The following CREB3L2 variants were observed in gnomAD, a reference collection of about 807,000 sequenced individuals.
CREB3L2 encodes cyclic AMP-responsive element-binding protein 3-like protein 2.
In CREB3L2, 23 loss-of-function variants were observed where a neutral mutation model predicts 57.2. The observed-to-expected ratio is 0.40, with a 90% CI of 0.29 to 0.57. The LOEUF (loss-of-function observed/expected upper bound fraction) is 0.57. Ranked by LOEUF, CREB3L2 falls within the 20% of genes least tolerant of loss-of-function variation. The probability of loss-of-function intolerance (pLI) is 0.42; values close to 1 mark genes in which losing one functional copy is unlikely to be tolerated. For synonymous variants in CREB3L2, 268 were observed against 265.1 expected (o/e 1.01, Z -0.11); for missense variants, 628 against 634.7 (o/e 0.99, Z 0.11).
At chr7:137,898,960 A>AAAGG (rs145339071) in intron 8 of CREB3L2, among the ~76,000 whole-genome samples, 6,025 of 132,734 alleles carry the variant, frequency 0.045, 454 homozygotes, top group African/African-American at 0.15. Flanking sequence ...GGAAAGAAGG[A>AAAGG]AAGGAAGGAA....
At chr7:137,991,872 C>A (rs1395730144) in intron 1 of CREB3L2, among the ~76,000 whole-genome samples, 1 of 150,692 alleles carries the variant, frequency 6.6e-6, no homozygotes, top group South Asian at 2.1e-4. Flanking sequence ...CACGCCATTG[C>A]ACTCCAGCCT....
chr7:137,946,760 TATA>T (rs1800985493), intron 1 of CREB3L2, among the ~76,000 whole-genome samples: 1 of 68,600 alleles, frequency 1.5e-5, no homozygotes. Context: ...TAGTTATCTA[TATA>T]GTTTAGTTAT....
At chr7:138,000,120 C>G (rs1375372571) in intron 1 of CREB3L2, among the ~76,000 whole-genome samples, 1 of 152,204 alleles carries the variant, frequency 6.6e-6, no homozygotes, top group Non-Finnish European at 1.5e-5. Flanking sequence ...TGAAAGACAA[C>G]CCCCTAGCTG....
At chr7:137,990,271 G>C (rs373234734) in intron 1 of CREB3L2, among the ~76,000 whole-genome samples, 21 of 152,222 alleles carry the variant, frequency 1.4e-4, no homozygotes, top group South Asian at 1.0e-3. Flanking sequence ...CCCACTGCCT[G>C]GTGAACTCCT....
intron 8 of CREB3L2, among the ~76,000 whole-genome samples, chr7:137,895,189 A>G (rs1323403554): frequency 2.0e-5 from 3 of 152,232 alleles, no homozygotes; most frequent in Non-Finnish European, 4.4e-5. Context: ...GAAGAAAACT[A>G]TACCAGTGGG....
intron 4 of CREB3L2, among the ~76,000 whole-genome samples, chr7:137,909,718 C>G (rs1799965747): frequency 6.6e-6 from 1 of 152,150 alleles, no homozygotes. Context: ...TCCTGAGACA[C>G]AACAACTGAC....
rs760236840 is a variant in CREB3L2, at chr7:137,880,585, G to A, written c.1488-34C>T. The A allele has an allele frequency of 2.6e-6, 4 of 1,516,610 alleles. No individual in the cohort carries two copies. The Admixed American group carries it at 5.0e-5, about 19-fold the overall frequency. 93.9% of individuals were successfully genotyped at this position (1,516,610 alleles called of 1,614,324 possible). ...GCATTAAAAGGAAAACGAAGTATTA[G>A]TCACCAGCTGTTAGCTACAATTCTC... On this transcript the variant is annotated intron_variant, in intron 11 of 11. Coordinates refer to ENST00000330387, the MANE Select transcript of CREB3L2 (RefSeq NM_194071.4). This position sits in a 1 kb window ranked among gnomAD's most constrained non-coding sequence, Gnocchi z 4.0.
In CREB3L2 at chr7:137,875,823, A is replaced by G; in HGVS notation, c.*4653T>C. 2 of 224,572 alleles carry G rather than the reference A, an allele frequency of 8.9e-6. No individual in the cohort carries two copies. Among genetic ancestry groups the G allele is most frequent in the East Asian group, 1.3e-4 (2 of 15,438 alleles). The allele number at this position is 224,572 out of a possible 1,614,324, so 13.9% of individuals were successfully genotyped here. A position where few individuals can be genotyped will look rare whatever the true frequency, so the allele number is the denominator to read the frequency against. On this transcript the variant is annotated 3_prime_UTR_variant, in exon 12 of 12. Transcript: ENST00000330387. ...TAGCACAGCACGCAACACCCTAGTA[A>G]ATGCTCAAGAAATATTATTTCCCTT...
At chr7:137,979,464 C>T (rs1801673689) in intron 1 of CREB3L2, among the ~76,000 whole-genome samples, 1 of 152,186 alleles carries the variant, frequency 6.6e-6, no homozygotes, top group Non-Finnish European at 1.5e-5. Context: ...CGGTGGCTCA[C>T]ACCTTAATCC....
chr7:137,918,705 C>T (rs948374518), intron 2 of CREB3L2, among the ~76,000 whole-genome samples: 15 of 151,668 alleles, frequency 9.9e-5, no homozygotes, highest in Non-Finnish European at 2.2e-4. Context: ...TGTGATGAAA[C>T]TTAATTCACA....
chr7:137,950,987 T>C (rs1801082190), intron 1 of CREB3L2, among the ~76,000 whole-genome samples: 1 of 152,188 alleles, frequency 6.6e-6, no homozygotes, highest in African/African-American at 2.4e-5. Flanking sequence ...ACCTCAAAAA[T>C]CAATACTTGT....
Position 137,879,482 on chromosome 7 carries a change from C to A in CREB3L2, c.*994G>T. 2.8e-6 allele frequency: 1 copy of A among 360,502 alleles called. No individual in the cohort carries two copies. Among genetic ancestry groups the A allele is most frequent in the Non-Finnish European group, 5.2e-6 (1 of 191,004 alleles). 22.3% of individuals were successfully genotyped at this position (360,502 alleles called of 1,614,324 possible). ...CAGGGAGCCCGGGGCCTGAGTGAGG[C>A]ATTGTGTCATCTCTCGCTCTGAGCT... On this transcript the variant is annotated 3_prime_UTR_variant, in exon 12 of 12. Transcript: ENST00000330387.
intron 1 of CREB3L2, among the ~76,000 whole-genome samples, chr7:137,951,384 G>A (rs1801093043): frequency 6.6e-6 from 1 of 152,162 alleles, no homozygotes; most frequent in South Asian, 2.1e-4. Context: ...TAAGTATGGT[G>A]TCTTTAAACA....
intron 2 of CREB3L2, among the ~76,000 whole-genome samples, chr7:137,921,211 T>A (rs1352601364): frequency 6.6e-6 from 1 of 152,238 alleles, no homozygotes; most frequent in East Asian, 1.9e-4. Flanking sequence ...GTCTTTTAAA[T>A]GTCATTTCAG....
Position 137,877,497 on chromosome 7 carries a change from G to C in CREB3L2, c.*2979C>G, listed in dbSNP as rs1002490077. ...AATATCCCTTTTTAAGTGCAAAGTC[G>C]AGGGCTGTGAAAAGAACCACGGTGG... On this transcript the variant is annotated 3_prime_UTR_variant, in exon 12 of 12. Transcript: ENST00000330387. 4.4e-6 allele frequency: 1 copy of C among 225,630 alleles called. No individual in the cohort carries two copies. Among genetic ancestry groups the C allele is most frequent in the African/African-American group, 2.2e-5 (1 of 44,992 alleles). 14.0% of individuals were successfully genotyped at this position (225,630 alleles called of 1,614,324 possible).
At chr7:137,950,587 A>C (rs572698694) in intron 1 of CREB3L2, among the ~76,000 whole-genome samples, 6 of 152,022 alleles carry the variant, frequency 3.9e-5, no homozygotes, top group African/African-American at 1.4e-4. Flanking sequence ...GGGAGTGAGG[A>C]GGTATTACGA....
intron 1 of CREB3L2, among the ~76,000 whole-genome samples, chr7:137,941,758 G>T (rs1800883072): frequency 6.6e-6 from 1 of 152,198 alleles, no homozygotes; most frequent in African/African-American, 2.4e-5. Context: ...AGAGTTTGAT[G>T]TTTCTCTATT....
intron 2 of CREB3L2, among the ~76,000 whole-genome samples, chr7:137,927,829 T>C (rs1322885320): frequency 1.3e-5 from 2 of 150,486 alleles, no homozygotes; most frequent in Non-Finnish European, 3.0e-5. Flanking sequence ...AACAAGAGAC[T>C]TACTGTACTG....
At chr7:137,909,863 G>T (rs574909456) in intron 4 of CREB3L2, among the ~76,000 whole-genome samples, 1 of 152,262 alleles carries the variant, frequency 6.6e-6, no homozygotes, top group East Asian at 1.9e-4. Flanking sequence ...TTGAATCATG[G>T]GGGCAGTTTC....
Sources: gnomAD v4.1 joint callset for allele counts (sites outside exome capture counted in the v4.1 genomes callset) on GRCh38, gnomAD v4.1.1 for gene constraint, Gnocchi (gnomAD v3.1) non-coding constraint, MANE v1.5 for transcripts, NCBI Gene and HGNC (gene_info 2026-07-23, HGNC 2026-07-21) for gene names.